BMP6: variants seen among roughly 807,000 people sequenced by gnomAD.
BMP6 encodes bone morphogenetic protein 6.
In BMP6, 17 loss-of-function variants were observed where a neutral mutation model predicts 54.1. The ratio of observed to expected loss-of-function variants is 0.31; its 90% CI spans 0.22 to 0.47. The LOEUF is 0.47. Ranked by LOEUF, BMP6 falls within the 20% of genes least tolerant of loss-of-function variation. The pLI is 1.00. For missense variants in BMP6, 720 were observed against 690.4 expected (o/e 1.04, Z -0.48); for synonymous variants, 328 against 291.2 (o/e 1.13, Z -1.28).
chr6:7,879,502 A>T (rs919206889), intron 5 of BMP6, among the ~76,000 whole-genome samples: 1 of 152,224 alleles, frequency 6.6e-6, no homozygotes, highest in African/African-American at 2.4e-5. Flanking sequence ...GTTGGAAAAA[A>T]ATTACCTAAT....
chr6:7,810,765 G>C (rs555908511), intron 1 of BMP6, among the ~76,000 whole-genome samples: 1 of 152,322 alleles, frequency 6.6e-6, no homozygotes, highest in East Asian at 1.9e-4. Context: ...GTTCTTGAAA[G>C]AAGGGAACAC....
chr6:7,753,707 A>G (rs774567333), intron 1 of BMP6, among the ~76,000 whole-genome samples: 18 of 152,234 alleles, frequency 1.2e-4, no homozygotes, highest in Non-Finnish European at 2.1e-4. Context: ...AAGTACTTCC[A>G]TCACTCTGCT....
At chr6:7,859,693 C>G (rs1481140625) in intron 2 of BMP6, among the ~76,000 whole-genome samples, 1 of 152,088 alleles carries the variant, frequency 6.6e-6, no homozygotes, top group African/African-American at 2.4e-5. Context: ...CCCGCAATCT[C>G]CCTGCTCACA....
intron 1 of BMP6, among the ~76,000 whole-genome samples, chr6:7,751,755 G>A (rs1219894045): frequency 6.6e-6 from 1 of 152,096 alleles, no homozygotes; most frequent in Non-Finnish European, 1.5e-5. Context: ...AGATGCCCAG[G>A]GATCTCCTTA....
chr6:7,814,248 C>A (rs1758489605), intron 1 of BMP6, among the ~76,000 whole-genome samples: 1 of 152,186 alleles, frequency 6.6e-6, no homozygotes, highest in African/African-American at 2.4e-5. Context: ...TGATTAGTAA[C>A]CTTAATTATA....
chr6:7,753,921 T>A (rs559615127), intron 1 of BMP6, among the ~76,000 whole-genome samples: 2 of 152,294 alleles, frequency 1.3e-5, no homozygotes, highest in South Asian at 4.1e-4. Flanking sequence ...CTAGTTTAAT[T>A]CCGTTGTAAT....
Position 7,727,492 on chromosome 6 carries a change from G to C in BMP6, c.537G>C (p.Ala179=), listed in dbSNP as rs1388256313. 5 of 1,594,448 alleles carry C rather than the reference G, an allele frequency of 3.1e-6. No individual in the cohort carries two copies. The highest frequency in any genetic ancestry group is 4.3e-6 in the Non-Finnish European group (5 of 1,176,006). The change falls in exon 1 of 7, where the codon GCG becomes GCC. Residue 179 remains alanine (A), a synonymous_variant. Transcript: ENST00000283147. The part of the protein sequence containing the change: ...SQRRQPPPGA[A]HPLNRKSLLA... ...GTCGGCAGCCGCCCCCGGGCGCCGC[G>C]CACCCGCTCAACCGCAAGAGCCTTC...
chr6:7,797,625 C>A (rs539068201), intron 1 of BMP6, among the ~76,000 whole-genome samples: 1 of 152,304 alleles, frequency 6.6e-6, no homozygotes, highest in South Asian at 2.1e-4. Context: ...ACATTATTCA[C>A]AAGCATACTT....
At chr6:7,835,612 T>C (rs903623596) in intron 1 of BMP6, among the ~76,000 whole-genome samples, 1 of 152,110 alleles carries the variant, frequency 6.6e-6, no homozygotes, top group Admixed American at 6.5e-5. Flanking sequence ...TTTTACTAAA[T>C]GTGGTCTGAT....
intron 1 of BMP6, among the ~76,000 whole-genome samples, chr6:7,807,712 C>T (rs1004183461): frequency 6.6e-6 from 1 of 152,088 alleles, no homozygotes. Context: ...AGTTTGAAAA[C>T]CCTTGTTATG....
chr6:7,879,169 G>C lies in BMP6; in HGVS notation c.1281+19G>C, dbSNP rs774681507. 3.1e-6 allele frequency: 5 copies of C among 1,602,920 alleles called. No homozygotes were observed. In the East Asian group the frequency reaches 1.1e-4, roughly 36 times the overall value. ...ATGGCAGGTGAGTTCTCTGGACACG[G>C]GGGATAAAGGTCCTTTCTCAGCAGT... is the stretch of plus-strand genomic sequence containing the variant. On this transcript the variant is annotated intron_variant, in intron 5 of 6. Coordinates refer to ENST00000283147, the MANE Select transcript of BMP6 (RefSeq NM_001718.6).
At position 7,880,558 on chromosome 6, in the gene BMP6, A is replaced by G; in HGVS notation, c.*215A>G. ...GTAGTTGTTGGTCTGTAGCAAGCTG[A>G]GTTTGGATGTCTGTAGCATAAGGTC... On this transcript the variant is annotated 3_prime_UTR_variant, in exon 7 of 7. Transcript: ENST00000283147. 1 of 618,014 alleles carries G rather than the reference A, an allele frequency of 1.6e-6. No homozygotes were observed. Among genetic ancestry groups the G allele is most frequent in the Non-Finnish European group, 2.8e-6 (1 of 360,064 alleles). 38.3% of individuals were successfully genotyped at this position (618,014 alleles called of 1,614,324 possible). A position where few individuals can be genotyped will look rare whatever the true frequency, so the allele number is the denominator to read the frequency against.
chr6:7,735,201 T>C (rs1221754315), intron 1 of BMP6, among the ~76,000 whole-genome samples: 1 of 152,238 alleles, frequency 6.6e-6, no homozygotes, highest in Non-Finnish European at 1.5e-5. Context: ...GCTTGCCCTT[T>C]CACCGTCCAG....
At chr6:7,825,104 G>T (rs1355422828) in intron 1 of BMP6, among the ~76,000 whole-genome samples, 1 of 152,162 alleles carries the variant, frequency 6.6e-6, no homozygotes, top group Non-Finnish European at 1.5e-5. Context: ...GTTGCTTGAG[G>T]CCAGGAGTTC....
intron 4 of BMP6, among the ~76,000 whole-genome samples, chr6:7,872,236 G>A (rs592849): frequency 0.37 from 56,525 of 151,234 alleles, 11,616 homozygotes; most frequent in East Asian, 0.58. Flanking sequence ...ACCAATACCA[G>A]GGGCAGTGGG....
intron 1 of BMP6, among the ~76,000 whole-genome samples, chr6:7,839,927 A>T (rs1464271686): frequency 6.6e-6 from 1 of 152,246 alleles, no homozygotes; most frequent in Non-Finnish European, 1.5e-5. Flanking sequence ...TCAGCAAAGC[A>T]CAAGGGTTCT....
At chr6:7,764,448 T>G (rs1191146387) in intron 1 of BMP6, among the ~76,000 whole-genome samples, 1 of 152,220 alleles carries the variant, frequency 6.6e-6, no homozygotes, top group African/African-American at 2.4e-5. Context: ...AGCTGAAGTT[T>G]TGGGCCTCAC....
chr6:7,810,763 A>G lies in BMP6; in HGVS notation c.665-34377A>G, dbSNP rs537896936. On this transcript the variant is annotated intron_variant, in intron 1 of 6. Transcript: ENST00000283147. Reference sequence around the variant, plus strand: ...AGCATGAAAATACATTTGTTCTTGAAAGAAGGGAACACTCAAAGTATATGG... The same window carrying G: ...AGCATGAAAATACATTTGTTCTTGAGAGAAGGGAACACTCAAAGTATATGG... 8.5e-5 allele frequency among the ~76,000 whole-genome samples: 13 copies of G among 152,330 alleles called. No homozygotes were observed. The South Asian group carries it at 2.5e-3, about 29-fold the overall frequency.
At chr6:7,728,141 A>G (rs1290622279) in intron 1 of BMP6, among the ~76,000 whole-genome samples, 2 of 151,000 alleles carry the variant, frequency 1.3e-5, no homozygotes, top group African/African-American at 4.9e-5. Flanking sequence ...TGGCATGAGT[A>G]TGTTTAGAGG....
Sources: allele counts gnomAD v4.1 joint callset (sites outside exome capture counted in the v4.1 genomes callset), GRCh38; gene constraint gnomAD v4.1.1; transcripts MANE v1.5; gene names NCBI Gene and HGNC (gene_info 2026-07-23, HGNC 2026-07-21).